DCAF1: variants seen among roughly 807,000 people sequenced by gnomAD.
DCAF1 encodes DDB1 and CUL4 associated factor 1, also known as DDB1- and CUL4-associated factor 1.
Under a neutral mutation model 128.0 loss-of-function variants are expected in DCAF1, and 15 were observed. The ratio of observed to expected loss-of-function variants is 0.12; its 90% CI spans 0.08 to 0.18. The LOEUF is 0.18. Among genes scored for constraint, DCAF1 ranks in the 10% least tolerant of loss-of-function variants. The pLI, the probability that DCAF1 is intolerant of heterozygous loss-of-function variation, is 1.00. For missense variants in DCAF1, 988 were observed against 1,649.5 expected (o/e 0.60, Z 6.95); for synonymous variants, 610 against 603.0 (o/e 1.01, Z -0.17).
chr3:51,418,893 G>C lies in DCAF1; in HGVS notation c.3237-17C>G, dbSNP rs782523330. ...GGACGGAATCTAAGCAAAAAAAAGA[G>C]AGAATCACAGGCAAAGAATGTGCAG... On this transcript the variant is annotated splice_polypyrimidine_tract_variant and intron_variant, in intron 15 of 24. Coordinates refer to ENST00000684031, the MANE Select transcript of DCAF1 (RefSeq NM_001387579.1). The C allele has an allele frequency of 1.3e-6, 2 of 1,587,058 alleles. No homozygotes were observed. The highest frequency in any genetic ancestry group is 1.8e-5 in the Admixed American group (1 of 54,244).
At chr3:51,400,785 C>A (rs1047447479) in intron 24 of DCAF1, among the ~76,000 whole-genome samples, 1 of 151,974 alleles carries the variant, frequency 6.6e-6, no homozygotes, top group African/African-American at 2.4e-5. Flanking sequence ...TTTAACCTAT[C>A]GCTCTACAAC....
intron 23 of DCAF1, among the ~76,000 whole-genome samples, chr3:51,411,235 A>T (rs1698389773): frequency 6.6e-6 from 1 of 152,146 alleles, no homozygotes; most frequent in African/African-American, 2.4e-5. Context: ...AACAGAAATG[A>T]ACCCAAGAAC....
chr3:51,428,331 CT>C (rs35486639), intron 12 of DCAF1, among the ~76,000 whole-genome samples: 39 of 110,496 alleles, frequency 3.5e-4, no homozygotes, highest in Non-Finnish European at 3.9e-4. Flanking sequence ...CCACCATGCC[CT>C]TTTTTTTTTT....
downstream of DCAF1, chr3:51,397,118 CTT>C (rs1396556401): frequency 6.0e-6 from 1 of 167,140 alleles, no homozygotes; most frequent in Non-Finnish European, 1.5e-5. Flanking sequence ...TTTGTCCCCT[CTT>C]CTCTCTGTTA....
chr3:51,449,840 A>G (rs142316175), intron 6 of DCAF1, among the ~76,000 whole-genome samples: 86 of 152,322 alleles, frequency 5.6e-4, no homozygotes, highest in African/African-American at 2.0e-3. Context: ...AGAAATAAAA[A>G]GATTTATAAG....
At chr3:51,489,282 A>G (rs1395987849) in intron 2 of DCAF1, among the ~76,000 whole-genome samples, 1 of 151,844 alleles carries the variant, frequency 6.6e-6, no homozygotes, top group Admixed American at 6.6e-5. Flanking sequence ...AAAAATAAAA[A>G]ATTAGCAGGG....
chr3:51,490,811 G>A (rs1015942012), intron 2 of DCAF1, among the ~76,000 whole-genome samples: 7 of 151,856 alleles, frequency 4.6e-5, no homozygotes, highest in South Asian at 2.1e-4. Context: ...CTGTAATCCC[G>A]GCTATCTGGG....
chr3:51,397,996 G>A lies in DCAF1; in HGVS notation c.*773C>T, dbSNP rs2089329813. ...TGAATCACAAAGAAAAATAGAGGGA[G>A]TGAACTTATATCCTAAGTTCCCTCA... On this transcript the variant is annotated 3_prime_UTR_variant, in exon 25 of 25. Coordinates refer to ENST00000684031, the MANE Select transcript of DCAF1 (RefSeq NM_001387579.1). The A allele has an allele frequency of 6.1e-6, 1 of 164,736 alleles. No homozygotes were observed. The highest frequency in any genetic ancestry group is 1.5e-5 in the Non-Finnish European group (1 of 68,086). The allele number at this position is 164,736 out of a possible 1,614,324, so 10.2% of individuals were successfully genotyped here.
chr3:51,407,325 T>C (rs1697938958), intron 23 of DCAF1, among the ~76,000 whole-genome samples: 1 of 152,238 alleles, frequency 6.6e-6, no homozygotes, highest in African/African-American at 2.4e-5. Context: ...AATGTTTGTT[T>C]TTCTTTCCTC....
intron 2 of DCAF1, among the ~76,000 whole-genome samples, chr3:51,484,150 C>T (rs1283831041): frequency 2.0e-5 from 3 of 151,966 alleles, no homozygotes; most frequent in African/African-American, 7.3e-5. Flanking sequence ...GAAAATGAGA[C>T]AAAAAATATG....
At chr3:51,499,404 C>T (rs1708590750) in intron 1 of DCAF1, among the ~76,000 whole-genome samples, 2 of 152,070 alleles carry the variant, frequency 1.3e-5, no homozygotes, top group Admixed American at 1.3e-4. Flanking sequence ...GGCCGAGAGA[C>T]GGGAGAGCCC....
At chr3:51,433,395 C>T (rs1577128614) in intron 9 of DCAF1, 131 bp from the exon 10 acceptor site, 1 of 394,434 alleles carries the variant, frequency 2.5e-6, no homozygotes, top group Non-Finnish European at 4.5e-6. Context: ...CAAAAGAAAA[C>T]CCAGTATTAT....
At chr3:51,434,306 G>C (rs1700634911) in intron 9 of DCAF1, among the ~76,000 whole-genome samples, 3 of 151,778 alleles carry the variant, frequency 2.0e-5, no homozygotes, top group African/African-American at 7.3e-5. Context: ...GGACGGTGAG[G>C]TAAGAGGATC....
chr3:51,402,997 G>T, intron 24 of DCAF1, 146 bp downstream of exon 24: 1 of 1,320,502 alleles, frequency 7.6e-7, no homozygotes, highest in Admixed American at 3.0e-5. Flanking sequence ...AGATGCAAAG[G>T]TGCTTTGCCT....
chr3:51,476,653 A>T (rs1158371593), intron 3 of DCAF1, among the ~76,000 whole-genome samples: 1 of 150,576 alleles, frequency 6.6e-6, no homozygotes, highest in African/African-American at 2.4e-5. Context: ...TGAGGCGGGC[A>T]GATCACGAGA....
chr3:51,453,379 G>A (rs1702548232), intron 6 of DCAF1, among the ~76,000 whole-genome samples: 1 of 152,044 alleles, frequency 6.6e-6, no homozygotes, highest in Non-Finnish European at 1.5e-5. Context: ...TATAATCCCA[G>A]CACTTTGGGA....
At chr3:51,505,598 G>GC in the DCAF1 span, among the ~76,000 whole-genome samples, 25 of 152,320 alleles carry the variant, frequency 1.6e-4, no homozygotes, top group East Asian at 4.6e-3. Context: ...CCTGAGGGGA[G>GC]CCCCCTCTGC....
chr3:51,498,547 T>C (rs114309845), intron 1 of DCAF1, among the ~76,000 whole-genome samples: 1 of 151,954 alleles, frequency 6.6e-6, no homozygotes, highest in African/African-American at 2.4e-5. Context: ...CTGGGCAACA[T>C]ACTGAGACCA....
Position 51,397,887 on chromosome 3 carries a change from T to A in DCAF1, c.*882A>T, listed in dbSNP as rs1487450245. The A allele has an allele frequency of 6.0e-6, 1 of 166,676 alleles. No individual in the cohort carries two copies. The highest frequency in any genetic ancestry group is 1.5e-5 in the Non-Finnish European group (1 of 68,102). 10.3% of individuals were successfully genotyped at this position (166,676 alleles called of 1,614,324 possible). On this transcript the variant is annotated 3_prime_UTR_variant, in exon 25 of 25. Coordinates refer to ENST00000684031, the MANE Select transcript of DCAF1 (RefSeq NM_001387579.1). ...TTATTTTGTATTTTTTTTAAATAAATACACTTTACATTAAAGAAAAAGGCC... is the reference window on the plus strand; with the variant it reads ...TTATTTTGTATTTTTTTTAAATAAAAACACTTTACATTAAAGAAAAAGGCC...
Sources: allele counts gnomAD v4.1 joint callset (sites outside exome capture counted in the v4.1 genomes callset), GRCh38; gene constraint gnomAD v4.1.1; transcripts MANE v1.5; gene names NCBI Gene and HGNC (gene_info 2026-07-23, HGNC 2026-07-21).